The following NRXN3 variants were observed in gnomAD, a reference collection of about 807,000 sequenced individuals.
NRXN3 encodes the protein neurexin 3.
NRXN3 carries 32 observed loss-of-function variants against 137.6 expected under a neutral mutation model. The ratio of observed to expected loss-of-function variants is 0.23; its 90% CI spans 0.18 to 0.31. The LOEUF (loss-of-function observed/expected upper bound fraction) is 0.31, where lower values mean the gene tolerates loss of function less well. NRXN3 is among the 10% of genes least tolerant of loss of function. NRXN3 has a pLI of 1.00. For synonymous variants in NRXN3, 798 were observed against 784.5 expected, an observed-to-expected ratio of 1.02 and a Z score of -0.29; for missense variants, 1,574 against 2,062.5, an observed-to-expected ratio of 0.76 and a Z score of 4.59.
intron 19 of NRXN3, among the ~76,000 whole-genome samples, chr14:79,713,158 T>A (rs1407216910): frequency 7.2e-6 from 1 of 139,082 alleles, no homozygotes; most frequent in Non-Finnish European, 1.5e-5. Context: ...ACTGCACTGA[T>A]TTTTACTTTT....
intron 15 of NRXN3, among the ~76,000 whole-genome samples, chr14:79,366,759 C>G (rs974592690): frequency 1.3e-5 from 2 of 152,126 alleles, no homozygotes; most frequent in Admixed American, 1.3e-4. Context: ...AGAAAGAAAG[C>G]ATGTGTGTGG....
intron 8 of NRXN3, among the ~76,000 whole-genome samples, chr14:78,747,035 C>T (rs910269369): frequency 2.6e-5 from 4 of 152,044 alleles, no homozygotes; most frequent in African/African-American, 9.7e-5. Flanking sequence ...GCTCCCAGGG[C>T]AGGTATGAAC....
intron 8 of NRXN3, among the ~76,000 whole-genome samples, chr14:78,738,017 AG>A (rs1339026591): frequency 1.3e-5 from 2 of 152,174 alleles, no homozygotes; most frequent in Non-Finnish European, 2.9e-5. Flanking sequence ...GGGCTAAAAA[AG>A]TTAATGGATT....
chr14:79,466,921 C>T (rs146327365), intron 15 of NRXN3, among the ~76,000 whole-genome samples: 45 of 152,252 alleles, frequency 3.0e-4, no homozygotes, highest in Non-Finnish European at 5.7e-4. Flanking sequence ...TTGCAATGTA[C>T]CCAGGCTCCC....
At position 78,807,733 on chromosome 14, in the gene NRXN3, T is replaced by G. The variant is rs371686173; in HGVS notation, c.2249-2585T>G. On this transcript the variant is annotated intron_variant, in intron 9 of 20. Coordinates refer to ENST00000335750, the MANE Select transcript of NRXN3 (RefSeq NM_001330195.2). ...CTGGGCAATAAAGTGAGATTCTGTC[T>G]CAAAAAAAAAAAAAAAAAAAAAGAA... Among the ~76,000 whole-genome samples, 123 of 70,384 alleles carry G rather than the reference T, an allele frequency of 1.7e-3. 1 individual carries two copies. The highest frequency in any genetic ancestry group is 8.9e-3 in the African/African-American group (119 of 13,348). The allele number at this position is 70,384 out of a possible 152,430, so 46.2% of individuals were successfully genotyped here.
intron 15 of NRXN3, among the ~76,000 whole-genome samples, chr14:79,193,312 C>G (rs1377188915): frequency 6.6e-6 from 1 of 152,080 alleles, no homozygotes; most frequent in African/African-American, 2.4e-5. Context: ...TTTTAAATTG[C>G]ATAGGCAAGA....
At chr14:78,614,038 C>CA (rs1452638997) in intron 4 of NRXN3, among the ~76,000 whole-genome samples, 9 of 152,234 alleles carry the variant, frequency 5.9e-5, no homozygotes, top group African/African-American at 2.2e-4. Context: ...TTATCTAGTT[C>CA]AGGGCTGCTC....
intron 16 of NRXN3, among the ~76,000 whole-genome samples, chr14:79,527,871 C>CAAAAAAAAAAA (rs33938281): frequency 8.4e-6 from 1 of 118,438 alleles, no homozygotes; most frequent in Non-Finnish European, 1.7e-5. Context: ...ACTCCTTCGC[C>CAAAAAAAAAAA]AAAAAAAAAA....
intron 4 of NRXN3, among the ~76,000 whole-genome samples, chr14:78,338,284 C>T (rs1225821632): frequency 1.3e-5 from 2 of 152,214 alleles, no homozygotes; most frequent in Non-Finnish European, 2.9e-5. Flanking sequence ...AAATTCACTT[C>T]CCCAGTCTCA....
At chr14:78,535,701 C>T (rs79249416) in intron 4 of NRXN3, among the ~76,000 whole-genome samples, 2,244 of 152,236 alleles carry the variant, frequency 0.015, 50 homozygotes, top group African/African-American at 0.052. Flanking sequence ...ATCCTGTATT[C>T]GTTTCTTACT....
At chr14:79,267,524 A>C (rs1450573244) in intron 15 of NRXN3, among the ~76,000 whole-genome samples, 1 of 152,148 alleles carries the variant, frequency 6.6e-6, no homozygotes, top group African/African-American at 2.4e-5. Context: ...CACCCAGCTA[A>C]GTTTTGTATT....
At chr14:78,729,592 A>G (rs2098504695) in intron 8 of NRXN3, among the ~76,000 whole-genome samples, 1 of 152,216 alleles carries the variant, frequency 6.6e-6, no homozygotes, top group South Asian at 2.1e-4. Context: ...GGTCCAGAAG[A>G]GCATGAAATG....
chr14:79,450,143 T>G (rs979267935), intron 15 of NRXN3, among the ~76,000 whole-genome samples: 1 of 152,068 alleles, frequency 6.6e-6, no homozygotes, highest in Non-Finnish European at 1.5e-5. Flanking sequence ...CTAGAGTAAT[T>G]CTTACTTCCC....
At chr14:79,790,162 T>C (rs1216575046) in intron 19 of NRXN3, among the ~76,000 whole-genome samples, 2 of 152,138 alleles carry the variant, frequency 1.3e-5, no homozygotes, top group Admixed American at 1.3e-4. Flanking sequence ...AAGAGGTTTA[T>C]TTGGCTCACA....
chr14:78,476,383 A>G (rs1436769971), intron 4 of NRXN3, among the ~76,000 whole-genome samples: 3 of 152,190 alleles, frequency 2.0e-5, no homozygotes, highest in Non-Finnish European at 4.4e-5. Context: ...TCTGAATGAC[A>G]AAGAGGAGCC....
At chr14:79,197,495 T>C (rs943954393) in intron 15 of NRXN3, among the ~76,000 whole-genome samples, 1 of 152,140 alleles carries the variant, frequency 6.6e-6, no homozygotes, top group African/African-American at 2.4e-5. Flanking sequence ...AGGAAGACTT[T>C]TGCGTGGCTT....
chr14:79,137,782 G>T (rs1349888885), intron 15 of NRXN3, among the ~76,000 whole-genome samples: 1 of 151,868 alleles, frequency 6.6e-6, no homozygotes, highest in African/African-American at 2.4e-5. Flanking sequence ...TTTTTCTTTT[G>T]CATTTTTCTA....
chr14:79,512,557 CT>C (rs1350413351), intron 16 of NRXN3, among the ~76,000 whole-genome samples: 2 of 152,256 alleles, frequency 1.3e-5, no homozygotes, highest in East Asian at 3.9e-4. Context: ...AATAAAATTG[CT>C]CTTTATGGTT....
chr14:79,490,338 A>G (rs1297615127), intron 16 of NRXN3, among the ~76,000 whole-genome samples: 1 of 152,222 alleles, frequency 6.6e-6, no homozygotes, highest in African/African-American at 2.4e-5. Context: ...AAAGAAAATC[A>G]GTATATCAAA....
Sources: gnomAD v4.1 joint callset for allele counts (sites outside exome capture counted in the v4.1 genomes callset) on GRCh38, gnomAD v4.1.1 for gene constraint, MANE v1.5 for transcripts, NCBI Gene and HGNC (gene_info 2026-07-23, HGNC 2026-07-21) for gene names.